Variants in PHACTR1 observed in about 807,000 individuals in gnomAD.
The protein encoded by PHACTR1 is phosphatase and actin regulator 1.
Under a neutral mutation model 69.2 loss-of-function variants are expected in PHACTR1, and 16 were observed. The ratio of observed to expected loss-of-function variants is 0.23; its 90% CI spans 0.16 to 0.35. The LOEUF is 0.35. Among genes scored for constraint, PHACTR1 ranks in the 10% least tolerant of loss-of-function variants. PHACTR1 has a pLI of 1.00. For synonymous variants in PHACTR1, 312 were observed against 284.5 expected, an observed-to-expected ratio of 1.10 and a Z score of -0.97; for missense variants, 510 against 734.7, an observed-to-expected ratio of 0.69 and a Z score of 3.54.
At chr6:13,042,652 C>A (rs1477236129) in intron 4 of PHACTR1, among the ~76,000 whole-genome samples, 1 of 152,194 alleles carries the variant, frequency 6.6e-6, no homozygotes, top group East Asian at 1.9e-4. Context: ...TGTTTAAATT[C>A]ATGTAAGTCC....
chr6:12,755,913 A>C (rs1767260341), intron 4 of PHACTR1, among the ~76,000 whole-genome samples: 1 of 152,222 alleles, frequency 6.6e-6, no homozygotes, highest in African/African-American at 2.4e-5. Flanking sequence ...ATCTCTTTGG[A>C]ATTCACAGAA....
intron 4 of PHACTR1, among the ~76,000 whole-genome samples, chr6:12,756,335 G>A (rs1412747): frequency 0.53 from 80,797 of 151,930 alleles, 22,711 homozygotes; most frequent in African/African-American, 0.7. Flanking sequence ...AAACTCTAGT[G>A]TTTCATATTT....
chr6:12,735,876 C>T (rs1253479245), intron 3 of PHACTR1, among the ~76,000 whole-genome samples: 2 of 152,082 alleles, frequency 1.3e-5, no homozygotes, highest in Non-Finnish European at 2.9e-5. Context: ...TAAGTTGGGG[C>T]CCAGAGGAAC....
chr6:13,227,567 T>C (rs1769983304), intron 8 of PHACTR1, among the ~76,000 whole-genome samples: 1 of 152,078 alleles, frequency 6.6e-6, no homozygotes, highest in South Asian at 2.1e-4. Flanking sequence ...ACGCCACTAT[T>C]CCCATCAGGA....
intron 4 of PHACTR1, among the ~76,000 whole-genome samples, chr6:12,945,043 A>T: frequency 6.6e-6 from 1 of 151,958 alleles, no homozygotes; most frequent in East Asian, 1.9e-4. Context: ...CGGCCTCCCA[A>T]AGTGCTGGGA....
In PHACTR1 at chr6:13,184,231, C is replaced by T. The variant is rs6922961; in HGVS notation, c.664+1545C>T. Among the ~76,000 whole-genome samples, 357 of 152,306 alleles carry T rather than the reference C, an allele frequency of 2.3e-3. 4 individuals carry two copies. The highest frequency in any genetic ancestry group is 8.2e-3 in the African/African-American group (340 of 41,568). On this transcript the variant is annotated intron_variant, in intron 7 of 14. Coordinates refer to ENST00000332995, the MANE Select transcript of PHACTR1 (RefSeq NM_030948.6). ...TGGGGTGCAGCCTATGAGGTGTCAG[C>T]GTTCCAGGCTGTCATCTGTACCCAG...
In PHACTR1 at chr6:13,133,017, G is replaced by C. The variant is rs563781950; in HGVS notation, c.416-27187G>C. Among the ~76,000 whole-genome samples the C allele has an allele frequency of 9.3e-4, 141 of 152,222 alleles. 2 individuals are homozygous for C. The South Asian group carries it at 0.029, about 31-fold the overall frequency. Reference sequence around the variant, plus strand: ...GTCAGTCCTCTCAAACCCTGCTGCTGCTTTCTCAACTAAGTTAATATAATA... The same window carrying C: ...GTCAGTCCTCTCAAACCCTGCTGCTCCTTTCTCAACTAAGTTAATATAATA... On this transcript the variant is annotated intron_variant, in intron 5 of 14. Coordinates refer to ENST00000332995, the MANE Select transcript of PHACTR1 (RefSeq NM_030948.6).
At position 13,256,339 on chromosome 6, in the gene PHACTR1, G is replaced by A. The variant is rs531815120; in HGVS notation, c.1392-16521G>A. 5.9e-5 allele frequency among the ~76,000 whole-genome samples: 9 copies of A among 152,342 alleles called. No individual in the cohort carries two copies. In the South Asian group the frequency reaches 1.7e-3, roughly 28 times the overall value. On this transcript the variant is annotated intron_variant, in intron 10 of 14. Transcript: ENST00000332995. ...TGTGATGGGAGGAGCTGCTGTGAAG[G>A]TCTCTGAAGTGGCTTCCAGGTCTTT...
At chr6:13,223,219 A>C (rs916336200) in intron 8 of PHACTR1, among the ~76,000 whole-genome samples, 3 of 152,356 alleles carry the variant, frequency 2.0e-5, no homozygotes, top group Middle Eastern at 3.4e-3. Context: ...CCATACACAA[A>C]AAAGATTAAG....
intron 4 of PHACTR1, among the ~76,000 whole-genome samples, chr6:13,008,902 C>T (rs764871319): frequency 4.6e-5 from 7 of 152,126 alleles, no homozygotes; most frequent in Admixed American, 2.6e-4. Context: ...ACAAAGTTAG[C>T]GGCTTAAAAC....
intron 5 of PHACTR1, among the ~76,000 whole-genome samples, chr6:13,102,018 C>T (rs1583361181): frequency 6.6e-6 from 1 of 152,112 alleles, no homozygotes; most frequent in African/African-American, 2.4e-5. Flanking sequence ...CTCTAGTTAC[C>T]CCAAAAATTA....
intron 10 of PHACTR1, among the ~76,000 whole-genome samples, chr6:13,251,643 G>A (rs1774420275): frequency 6.6e-6 from 1 of 152,198 alleles, no homozygotes; most frequent in African/African-American, 2.4e-5. Flanking sequence ...GTGCCAGGCT[G>A]AGCTCTGACA....
At chr6:12,764,107 A>G (rs534826870) in intron 4 of PHACTR1, among the ~76,000 whole-genome samples, 2 of 152,318 alleles carry the variant, frequency 1.3e-5, no homozygotes, top group South Asian at 4.1e-4. Flanking sequence ...ACAGAAGGGG[A>G]CCAAGTAGAG....
intron 5 of PHACTR1, among the ~76,000 whole-genome samples, chr6:13,054,353 T>C (rs1314589769): frequency 6.6e-6 from 1 of 152,210 alleles, no homozygotes; most frequent in Admixed American, 6.5e-5. Context: ...CTTCACCCCA[T>C]TGGGTCTGTG....
chr6:13,205,475 T>C (rs1765769988), intron 7 of PHACTR1, among the ~76,000 whole-genome samples: 1 of 152,210 alleles, frequency 6.6e-6, no homozygotes, highest in Non-Finnish European at 1.5e-5. Flanking sequence ...TCCTTGACAG[T>C]CCATGGGTGT....
intron 4 of PHACTR1, among the ~76,000 whole-genome samples, chr6:12,908,786 C>T (rs765328957): frequency 2.6e-5 from 4 of 152,154 alleles, no homozygotes; most frequent in Non-Finnish European, 4.4e-5. Context: ...GTAGGAGGAA[C>T]AGGAGGAAGG....
chr6:12,877,829 A>G (rs1281057018), intron 4 of PHACTR1, among the ~76,000 whole-genome samples: 2 of 152,222 alleles, frequency 1.3e-5, no homozygotes, highest in East Asian at 3.8e-4. Context: ...CATAACAGCA[A>G]TTTAGGCTCA....
chr6:12,784,521 CAT>C (rs1383988431), intron 4 of PHACTR1, among the ~76,000 whole-genome samples: 2 of 151,414 alleles, frequency 1.3e-5, no homozygotes, highest in Non-Finnish European at 2.9e-5. Context: ...TCTAGACACA[CAT>C]ATACATGATA....
rs372199697 is a variant in PHACTR1 at position 13,075,406 on chromosome 6, C to T, written c.415+21877C>T. Reference sequence around the variant, plus strand: ...CTCAATGATTTTGATTTGCCACCATCGAAACAAGAAGCTGATCCCTTGAGT... The same window carrying T: ...CTCAATGATTTTGATTTGCCACCATTGAAACAAGAAGCTGATCCCTTGAGT... On this transcript the variant is annotated intron_variant, in intron 5 of 14. Transcript: ENST00000332995. Among the ~76,000 whole-genome samples, 8 of 152,104 alleles carry T rather than the reference C, an allele frequency of 5.3e-5. No homozygotes were observed. The East Asian group carries it at 9.6e-4, about 18-fold the overall frequency.
Sources: allele counts gnomAD v4.1 joint callset (sites outside exome capture counted in the v4.1 genomes callset), GRCh38; gene constraint gnomAD v4.1.1; transcripts MANE v1.5; gene names NCBI Gene and HGNC (gene_info 2026-07-23, HGNC 2026-07-21).